PSMA1: variants seen among roughly 807,000 people sequenced by gnomAD.
The protein encoded by PSMA1 is proteasome subunit alpha type-1.
In PSMA1, 3 loss-of-function variants were observed where a neutral mutation model predicts 38.4. That is an observed-to-expected ratio of 0.08 (90% CI 0.04 to 0.20). The LOEUF is 0.20. Among genes scored for constraint, PSMA1 ranks in the 10% least tolerant of loss-of-function variants. The pLI is 1.00. For missense variants in PSMA1, 227 were observed against 325.3 expected (o/e 0.70, Z 2.32); for synonymous variants, 101 against 107.1 (o/e 0.94, Z 0.35).
chr11:14,590,924 C>G (rs1354704778), intron 2 of PSMA1, among the ~76,000 whole-genome samples: 1 of 152,258 alleles, frequency 6.6e-6, no homozygotes, highest in Non-Finnish European at 1.5e-5. Context: ...TCACAGTTCT[C>G]GCTCGCTCTA....
rs550000168 is a variant in PSMA1, at chr11:14,534,469, T to A, written c.22-15428A>T. Among the ~76,000 whole-genome samples, 279 of 152,278 alleles carry A rather than the reference T, an allele frequency of 1.8e-3. 1 individual carries two copies. Among genetic ancestry groups the A allele is most frequent in the African/African-American group, 6.4e-3 (264 of 41,566 alleles). ...TTATCTGCACCCACTCCCACCTTTTTAAAATTTTAATTTTAATTTATTTGT... is the reference window on the plus strand; with the variant it reads ...TTATCTGCACCCACTCCCACCTTTTAAAAATTTTAATTTTAATTTATTTGT... On this transcript the variant is annotated intron_variant, in intron 2 of 10. Coordinates refer to the PSMA1 transcript ENST00000418988. The surrounding 1 kb of genome is among the most constrained non-coding windows in gnomAD (Gnocchi z 4.5).
chr11:14,583,856 TC>T (rs1852309346), intron 2 of PSMA1, among the ~76,000 whole-genome samples: 1 of 152,172 alleles, frequency 6.6e-6, no homozygotes, highest in Non-Finnish European at 1.5e-5. Flanking sequence ...TCAGTATTTT[TC>T]CCACACCCCT....
At chr11:14,513,531 G>GAA in intron 7 of PSMA1, 39 bp downstream of exon 7, 1 of 1,182,530 alleles carries the variant, frequency 8.5e-7, no homozygotes. Context: ...ACTGGAAAAG[G>GAA]CAAAAAAAAA....
chr11:14,549,056 G>GT (rs376659759), intron 2 of PSMA1, among the ~76,000 whole-genome samples: 70 of 148,294 alleles, frequency 4.7e-4, no homozygotes, highest in South Asian at 1.1e-3. Flanking sequence ...TGCTATTACT[G>GT]TTTTTTTTTT....
intron 2 of PSMA1, among the ~76,000 whole-genome samples, chr11:14,555,073 T>C (rs1225980322): frequency 6.6e-6 from 1 of 152,216 alleles, no homozygotes; most frequent in Non-Finnish European, 1.5e-5. Flanking sequence ...TTGCATTTAC[T>C]GTTGGCAAGT....
In PSMA1 at chr11:14,519,053, A is replaced by C; in HGVS notation, c.4-12T>G. 2 of 1,550,704 alleles carry C rather than the reference A, an allele frequency of 1.3e-6. No homozygotes were observed. Among genetic ancestry groups the C allele is most frequent in the South Asian group, 1.1e-5 (1 of 86,984 alleles). On this transcript the variant is annotated splice_polypyrimidine_tract_variant and intron_variant, in intron 1 of 9. Transcript: ENST00000396394. ...TACTGATTTCGAAACTAAAAGTAAA[A>C]GAAAAAAATACCTGTTAATAGAAGA... is the stretch of plus-strand genomic sequence containing the variant.
chr11:14,639,256 A>G (rs1853167787), intron 1 of PSMA1, among the ~76,000 whole-genome samples: 1 of 135,028 alleles, frequency 7.4e-6, no homozygotes, highest in African/African-American at 2.5e-5. Flanking sequence ...GTTTTTGTAA[A>G]TCTAGGAAAA....
chr11:14,570,300 C>T (rs905331071), intron 2 of PSMA1, among the ~76,000 whole-genome samples: 17 of 152,198 alleles, frequency 1.1e-4, no homozygotes, highest in Admixed American at 9.8e-4. Context: ...AATCAGAGCA[C>T]CTCTTCTCCT....
At chr11:14,600,462 C>T (rs899875770) in intron 2 of PSMA1, among the ~76,000 whole-genome samples, 2 of 152,214 alleles carry the variant, frequency 1.3e-5, no homozygotes, top group Non-Finnish European at 2.9e-5. Flanking sequence ...GGATGCCCCT[C>T]CCCGAGCCAG....
intron 1 of PSMA1, among the ~76,000 whole-genome samples, chr11:14,637,863 G>GT (rs1337228500): frequency 1.3e-5 from 2 of 152,158 alleles, no homozygotes; most frequent in Admixed American, 6.5e-5. Context: ...AATATTGAAA[G>GT]TAAGGCTTAA....
intron 2 of PSMA1, among the ~76,000 whole-genome samples, chr11:14,609,283 T>C (rs1249261423): frequency 6.6e-6 from 1 of 152,314 alleles, no homozygotes; most frequent in Non-Finnish European, 1.5e-5. Flanking sequence ...GATAGGTGGA[T>C]GGAGATAATC....
At chr11:14,629,842 C>A (rs977916058) in intron 1 of PSMA1, among the ~76,000 whole-genome samples, 45 of 152,074 alleles carry the variant, frequency 3.0e-4, no homozygotes, top group African/African-American at 9.2e-4. Context: ...CTTTTATTTC[C>A]TTGAGCAGTG....
chr11:14,547,843 G>A (rs901346512), intron 2 of PSMA1, among the ~76,000 whole-genome samples: 7 of 152,142 alleles, frequency 4.6e-5, no homozygotes, highest in African/African-American at 1.4e-4. Flanking sequence ...CCTGCCTCAG[G>A]TCTAAAGATT....
At position 14,624,395 on chromosome 11, in the gene PSMA1, T is replaced by A. The variant is rs1433696236; in HGVS notation, c.-165-13244A>T. On this transcript the variant is annotated intron_variant, in intron 1 of 10. Coordinates refer to the PSMA1 transcript ENST00000418988. ...CTGAGCTAACTCAGAGACCTCTATA[T>A]GGTACCATGTCATCAGCAGGAGGAA... Among the ~76,000 whole-genome samples the A allele has an allele frequency of 4.6e-5, 7 of 152,176 alleles. No individual in the cohort carries two copies. The East Asian group carries it at 9.6e-4, about 21-fold the overall frequency.
At chr11:14,591,713 G>T (rs1852417775) in intron 2 of PSMA1, among the ~76,000 whole-genome samples, 1 of 152,102 alleles carries the variant, frequency 6.6e-6, no homozygotes, top group Non-Finnish European at 1.5e-5. Flanking sequence ...TGGGGAGGTG[G>T]AGAACCTTTG....
intron 2 of PSMA1, among the ~76,000 whole-genome samples, chr11:14,587,519 C>T (rs1037243680): frequency 3.3e-5 from 5 of 152,140 alleles, no homozygotes; most frequent in Non-Finnish European, 1.5e-5. Flanking sequence ...TCGACTTCTT[C>T]ACTGCTCCAT....
chr11:14,518,368 G>C (rs1851470394), intron 2 of PSMA1, among the ~76,000 whole-genome samples: 3 of 151,964 alleles, frequency 2.0e-5, no homozygotes, highest in Non-Finnish European at 4.4e-5. Context: ...CAAAGTGCTG[G>C]GATTACAGGC....
chr11:14,506,376 C>T (rs1411747737), intron 9 of PSMA1, among the ~76,000 whole-genome samples: 1 of 152,092 alleles, frequency 6.6e-6, no homozygotes, highest in Non-Finnish European at 1.5e-5. Flanking sequence ...CCACAGCATT[C>T]TTCCCAACAG....
chr11:14,599,940 T>A lies in PSMA1; in HGVS notation c.21+11026A>T, dbSNP rs574982845. Among the ~76,000 whole-genome samples, 8 of 151,926 alleles carry A rather than the reference T, an allele frequency of 5.3e-5. No homozygotes were observed. In the East Asian group the frequency reaches 1.6e-3, roughly 29 times the overall value. On this transcript the variant is annotated intron_variant, in intron 2 of 10. Coordinates refer to the PSMA1 transcript ENST00000418988. Reference sequence around the variant, plus strand: ...ATGGGGTTTTGGTGTAGATGACCTTTTTGTTGATGTTGATACTATTCCTTT... The same window carrying A: ...ATGGGGTTTTGGTGTAGATGACCTTATTGTTGATGTTGATACTATTCCTTT...
Sources: gnomAD v4.1 joint callset for allele counts (sites outside exome capture counted in the v4.1 genomes callset) on GRCh38, gnomAD v4.1.1 for gene constraint, Gnocchi (gnomAD v3.1) non-coding constraint, MANE v1.5 for transcripts, NCBI Gene and HGNC (gene_info 2026-07-23, HGNC 2026-07-21) for gene names.